The following PCDHA5 variants were observed in gnomAD, a reference collection of about 807,000 sequenced individuals.
PCDHA5 encodes protocadherin alpha-5.
A neutral mutation model predicts 61.6 loss-of-function variants in PCDHA5; 43 were observed. The observed-to-expected ratio is 0.70, with a 90% confidence interval of 0.55 to 0.90. PCDHA5 has a LOEUF of 0.90. Among genes scored for constraint, PCDHA5 ranks in the 40% least tolerant of loss-of-function variants. PCDHA5 has a pLI of 0.00. For missense variants in PCDHA5, 1,298 were observed against 1,222.7 expected, an observed-to-expected ratio of 1.06 and a Z score of -0.92; for synonymous variants, 627 against 543.9, an observed-to-expected ratio of 1.15 and a Z score of -2.13.
At chr5:140,908,844 C>T (rs533219921) in intron 1 of PCDHA5, among the ~76,000 whole-genome samples, 2 of 152,272 alleles carry the variant, frequency 1.3e-5, no homozygotes, top group African/African-American at 4.8e-5. Context: ...GCTGGAGTAA[C>T]ATACCCAAAT....
chr5:140,889,551 C>A (rs981990006), intron 1 of PCDHA5, among the ~76,000 whole-genome samples: 1 of 152,074 alleles, frequency 6.6e-6, no homozygotes, highest in Non-Finnish European at 1.5e-5. Flanking sequence ...ATTTACTTTT[C>A]TTCAGAATTC....
chr5:140,876,834 G>C (rs1481867678), intron 1 of PCDHA5: 2 of 1,614,042 alleles, frequency 1.2e-6, no homozygotes, highest in Non-Finnish European at 1.7e-6. Context: ...ATGCGCCTGC[G>C]TTCGCGCAGC....
At chr5:140,866,584 T>C (rs2049444092) in intron 1 of PCDHA5, 1 of 152,156 alleles carries the variant, frequency 6.6e-6, no homozygotes, top group Non-Finnish European at 1.5e-5. Context: ...GGTTGGATAA[T>C]GTAATTCTAA....
chr5:140,901,767 T>C (rs1341707404), intron 1 of PCDHA5, among the ~76,000 whole-genome samples: 5 of 152,252 alleles, frequency 3.3e-5, no homozygotes, highest in African/African-American at 1.2e-4. Flanking sequence ...AGGGATTGCA[T>C]TGAATTTGTA....
intron 1 of PCDHA5, chr5:140,862,120 A>G (rs898970647): frequency 2.5e-5 from 4 of 161,592 alleles, no homozygotes; most frequent in African/African-American, 7.2e-5. Flanking sequence ...GGATAAATAA[A>G]TGTAAAGATA....
chr5:141,006,282 G>A (rs2098265578), intron 3 of PCDHA5, among the ~76,000 whole-genome samples: 1 of 151,970 alleles, frequency 6.6e-6, no homozygotes, highest in Non-Finnish European at 1.5e-5. Context: ...CACGATCTCA[G>A]CTCACTGCAA....
chr5:140,975,056 A>C (rs1006106436), intron 1 of PCDHA5, among the ~76,000 whole-genome samples: 1 of 152,154 alleles, frequency 6.6e-6, no homozygotes, highest in Non-Finnish European at 1.5e-5. Flanking sequence ...AGAATCTACT[A>C]TCGAGCTCAT....
intron 1 of PCDHA5, among the ~76,000 whole-genome samples, chr5:140,977,055 A>T (rs1220462981): frequency 1.3e-5 from 2 of 152,234 alleles, no homozygotes; most frequent in African/African-American, 4.8e-5. Flanking sequence ...CTGATGGACT[A>T]GTATAGAAAA....
At chr5:140,849,747 G>C (rs2150448012) in intron 1 of PCDHA5, 5 of 1,598,444 alleles carry the variant, frequency 3.1e-6, no homozygotes, top group Non-Finnish European at 4.3e-6. Context: ...CCGCGAGAGT[G>C]TGTCCGCCTA....
chr5:140,850,372 T>C, intron 1 of PCDHA5: 1 of 1,597,806 alleles, frequency 6.3e-7, no homozygotes, highest in African/African-American at 1.3e-5. Context: ...CGCGTGGGGC[T>C]GTACACGGGC....
chr5:140,993,256 A>C lies in PCDHA5; in HGVS notation c.2500+10693A>C, dbSNP rs1419636248. Among the ~76,000 whole-genome samples, 3 of 152,148 alleles carry C rather than the reference A, an allele frequency of 2.0e-5. No homozygotes were observed. In the East Asian group the frequency reaches 5.8e-4, roughly 29 times the overall value. On this transcript the variant is annotated intron_variant, in intron 3 of 3. Coordinates refer to ENST00000529859, the MANE Select transcript of PCDHA5 (RefSeq NM_018908.3). The stretch of plus-strand genomic sequence containing the variant: ...CTGAATCTGGGGATTTAGATATATA[A>C]ATTAGCTTCTTTGGTCTTTTCTTGC...
intron 1 of PCDHA5, among the ~76,000 whole-genome samples, chr5:140,931,298 AAG>A (rs2087432571): frequency 6.6e-6 from 1 of 152,144 alleles, no homozygotes; most frequent in African/African-American, 2.4e-5. Context: ...CTGTAACAAA[AAG>A]AGAGGAGAAT....
chr5:140,988,516 G>A (rs1226381986), intron 3 of PCDHA5, among the ~76,000 whole-genome samples: 1 of 152,156 alleles, frequency 6.6e-6, no homozygotes, highest in African/African-American at 2.4e-5. Flanking sequence ...GCTTACTTAA[G>A]TCTCTGCTGG....
At chr5:140,949,628 C>G (rs974912926) in intron 1 of PCDHA5, among the ~76,000 whole-genome samples, 18 of 151,706 alleles carry the variant, frequency 1.2e-4, no homozygotes, top group African/African-American at 4.1e-4. Context: ...GTTTTCATGG[C>G]ATATTGCTTT....
At chr5:140,883,239 A>ACAAAGGAAATATTC in intron 1 of PCDHA5, 1 of 1,614,096 alleles carries the variant, frequency 6.2e-7, no homozygotes, top group Non-Finnish European at 8.5e-7. Context: ...GAGGCAGTTG[A>ACAAAGGAAATATTC]CAAAGGAAAT....
intron 1 of PCDHA5, among the ~76,000 whole-genome samples, chr5:140,962,596 T>C (rs2095694957): frequency 6.6e-6 from 1 of 152,218 alleles, no homozygotes; most frequent in South Asian, 2.1e-4. Flanking sequence ...TTGACTGATA[T>C]ATTTCTTCTG....
chr5:140,990,898 G>A (rs1408537294), intron 3 of PCDHA5, among the ~76,000 whole-genome samples: 3 of 152,146 alleles, frequency 2.0e-5, no homozygotes, highest in Non-Finnish European at 4.4e-5. Context: ...GGTCGTTGCT[G>A]GGTCAAGTTT....
intron 3 of PCDHA5, among the ~76,000 whole-genome samples, chr5:140,988,281 A>G (rs2097291171): frequency 2.0e-5 from 3 of 152,202 alleles, no homozygotes; most frequent in Admixed American, 2.0e-4. Context: ...GTCACCTGCC[A>G]TCTGACAGCC....
chr5:140,883,962 T>G, intron 1 of PCDHA5: 3 of 1,613,126 alleles, frequency 1.9e-6, no homozygotes, highest in Non-Finnish European at 2.5e-6. Context: ...GCTCCGGCGC[T>G]GCTGACGCCC....
Sources: gnomAD v4.1 joint callset for allele counts (sites outside exome capture counted in the v4.1 genomes callset) on GRCh38, gnomAD v4.1.1 for gene constraint, MANE v1.5 for transcripts, NCBI Gene and HGNC (gene_info 2026-07-23, HGNC 2026-07-21) for gene names.